The following THRB variants were observed in gnomAD, a reference collection of about 807,000 sequenced individuals.
THRB encodes thyroid hormone receptor beta.
In THRB, 12 loss-of-function variants were observed where a neutral mutation model predicts 47.8. The observed-to-expected ratio is 0.25, with a 90% CI of 0.16 to 0.41. THRB has a LOEUF of 0.41. Among genes scored for constraint, THRB ranks in the 10% least tolerant of loss-of-function variants. The pLI, the probability that THRB is intolerant of heterozygous loss-of-function variation, is 1.00. For missense variants in THRB, 348 were observed against 589.2 expected, an observed-to-expected ratio of 0.59 and a Z score of 4.24; for synonymous variants, 218 against 212.2, an observed-to-expected ratio of 1.03 and a Z score of -0.24.
chr3:24,277,764 T>G (rs1360530982), intron 3 of THRB, among the ~76,000 whole-genome samples: 1 of 152,210 alleles, frequency 6.6e-6, no homozygotes, highest in African/African-American at 2.4e-5. Flanking sequence ...GCCTTCTGGA[T>G]GCCTTCCCTC....
At chr3:24,417,645 G>T (rs995211165) in intron 1 of THRB, among the ~76,000 whole-genome samples, 3 of 151,760 alleles carry the variant, frequency 2.0e-5, no homozygotes, top group African/African-American at 7.3e-5. Flanking sequence ...CTTCGCACAC[G>T]CTCTCATAAG....
intron 3 of THRB, among the ~76,000 whole-genome samples, chr3:24,285,316 G>A (rs1300985555): frequency 6.6e-6 from 1 of 151,672 alleles, no homozygotes; most frequent in Non-Finnish European, 1.5e-5. Context: ...ATAATTCTCA[G>A]TAAACTATCA....
intron 3 of THRB, among the ~76,000 whole-genome samples, chr3:24,259,620 CTTTTTTTTT>C (rs10671187): frequency 2.0e-5 from 2 of 98,256 alleles, no homozygotes; most frequent in South Asian, 8.6e-4. Context: ...CTCTGCTTAC[CTTTTTTTTT>C]TTTTTTTTTT....
intron 3 of THRB, among the ~76,000 whole-genome samples, chr3:24,290,576 A>G (rs1337502731): frequency 6.6e-6 from 1 of 152,170 alleles, no homozygotes; most frequent in Non-Finnish European, 1.5e-5. Flanking sequence ...TTCTCTGACA[A>G]CTCAATTCAG....
chr3:24,452,087 GAGAA>G (rs1322574966), intron 1 of THRB, among the ~76,000 whole-genome samples: 2 of 152,220 alleles, frequency 1.3e-5, no homozygotes, highest in African/African-American at 2.4e-5. Flanking sequence ...TGGGAGAAAT[GAGAA>G]AGAGTCTTGG....
chr3:24,170,976 G>C (rs1035951715), intron 5 of THRB, among the ~76,000 whole-genome samples: 1 of 151,968 alleles, frequency 6.6e-6, no homozygotes, highest in East Asian at 1.9e-4. Flanking sequence ...TTATATCTTC[G>C]TCACAAGAGA....
intron 5 of THRB, among the ~76,000 whole-genome samples, chr3:24,183,901 T>C (rs960250398): frequency 5.9e-5 from 9 of 152,178 alleles, no homozygotes; most frequent in African/African-American, 1.7e-4. Context: ...ATGCACATCA[T>C]TATTCATTAA....
intron 3 of THRB, among the ~76,000 whole-genome samples, chr3:24,248,924 G>A (rs2050380864): frequency 6.6e-6 from 1 of 152,064 alleles, no homozygotes; most frequent in African/African-American, 2.4e-5. Context: ...TGCTCTTTTA[G>A]TGCTTTAGTG....
intron 1 of THRB, among the ~76,000 whole-genome samples, chr3:24,380,365 T>G (rs994847320): frequency 3.3e-5 from 5 of 151,988 alleles, no homozygotes; most frequent in Admixed American, 2.6e-4. Context: ...ACCCTCTCAG[T>G]TTTTCTTCTG....
intron 1 of THRB, among the ~76,000 whole-genome samples, chr3:24,473,114 T>C (rs980138069): frequency 6.6e-6 from 1 of 152,132 alleles, no homozygotes; most frequent in African/African-American, 2.4e-5. Flanking sequence ...ATAAGGCAAA[T>C]GATAAATTTC....
At chr3:24,260,244 T>C (rs536466011) in intron 3 of THRB, among the ~76,000 whole-genome samples, 4 of 152,098 alleles carry the variant, frequency 2.6e-5, no homozygotes, top group African/African-American at 9.7e-5. Context: ...ACTCGGTGAG[T>C]CACACTTTAT....
intron 3 of THRB, among the ~76,000 whole-genome samples, chr3:24,257,123 G>C (rs2051371772): frequency 6.6e-6 from 1 of 152,138 alleles, no homozygotes; most frequent in African/African-American, 2.4e-5. Flanking sequence ...CAGTTTAGAT[G>C]ATACCTGAAG....
At chr3:24,411,608 T>C (rs2068304055) in intron 1 of THRB, among the ~76,000 whole-genome samples, 1 of 151,802 alleles carries the variant, frequency 6.6e-6, no homozygotes, top group Non-Finnish European at 1.5e-5. Flanking sequence ...TTTATTACGC[T>C]ACATGCTGCC....
At chr3:24,164,042 T>G (rs2039284850) in intron 5 of THRB, among the ~76,000 whole-genome samples, 1 of 152,134 alleles carries the variant, frequency 6.6e-6, no homozygotes, top group Non-Finnish European at 1.5e-5. Flanking sequence ...TTTTTGTAAA[T>G]TATAGAAACT....
At chr3:24,197,939 G>A (rs2044145328) in intron 4 of THRB, among the ~76,000 whole-genome samples, 1 of 152,136 alleles carries the variant, frequency 6.6e-6, no homozygotes, top group Admixed American at 6.5e-5. Context: ...ATCGGATGCC[G>A]GAGCTGGTAT....
At chr3:24,263,604 T>C (rs2052320280) in intron 3 of THRB, among the ~76,000 whole-genome samples, 1 of 151,236 alleles carries the variant, frequency 6.6e-6, no homozygotes, top group African/African-American at 2.4e-5. Context: ...TTCATGTGGA[T>C]TGGGGTTACA....
intron 8 of THRB, among the ~76,000 whole-genome samples, chr3:24,136,938 T>A (rs886861591): frequency 2.0e-4 from 31 of 152,232 alleles, no homozygotes; most frequent in African/African-American, 7.2e-4. Flanking sequence ...CACTTCTGTC[T>A]CTCATCTCTG....
chr3:24,442,595 C>A (rs1165768616), intron 1 of THRB, among the ~76,000 whole-genome samples: 3 of 152,118 alleles, frequency 2.0e-5, no homozygotes, highest in Non-Finnish European at 4.4e-5. Context: ...GAGGCCAAGG[C>A]GGGCAGATCA....
At chr3:24,307,481 T>G (rs1041373499) in intron 2 of THRB, among the ~76,000 whole-genome samples, 3 of 152,162 alleles carry the variant, frequency 2.0e-5, no homozygotes, top group African/African-American at 7.2e-5. Context: ...CGCTATAACC[T>G]CTTCATAAAC....
Sources: gnomAD v4.1 joint callset for allele counts (sites outside exome capture counted in the v4.1 genomes callset) on GRCh38, gnomAD v4.1.1 for gene constraint, MANE v1.5 for transcripts, NCBI Gene and HGNC (gene_info 2026-07-23, HGNC 2026-07-21) for gene names.